Variants in PGBD5 observed in about 807,000 individuals in gnomAD.
PGBD5 encodes the protein piggyBac transposable element-derived protein 5.
A neutral mutation model predicts 47.9 loss-of-function variants in PGBD5; 14 were observed. That is an observed-to-expected ratio of 0.29 (90% CI 0.19 to 0.46). PGBD5 has a LOEUF of 0.46. Among genes scored for constraint, PGBD5 ranks in the 20% least tolerant of loss-of-function variants. The probability of loss-of-function intolerance (pLI) is 1.00; values close to 1 mark genes in which losing one functional copy is unlikely to be tolerated. For synonymous variants in PGBD5, 316 were observed against 306.3 expected (o/e 1.03, Z -0.33); for missense variants, 635 against 716.0 (o/e 0.89, Z 1.29).
chr1:230,346,752 G>A (rs369474152), intron 3 of PGBD5, among the ~76,000 whole-genome samples: 168 of 152,224 alleles, frequency 1.1e-3, no homozygotes, highest in African/African-American at 3.9e-3. Context: ...TACCCCTACA[G>A]GTGCCTTCCT....
chr1:230,329,996 A>C (rs1667187148), intron 5 of PGBD5, among the ~76,000 whole-genome samples: 1 of 152,250 alleles, frequency 6.6e-6, no homozygotes, highest in Non-Finnish European at 1.5e-5. Context: ...AATAATACTA[A>C]TCACAAATAA....
rs1178740168 is a variant in PGBD5 at position 230,318,237 on chromosome 1, C to T, written c.*5188G>A. 1 of 150,160 alleles carries T rather than the reference C, an allele frequency of 6.7e-6. No individual in the cohort carries two copies. Among genetic ancestry groups the T allele is most frequent in the Non-Finnish European group, 1.5e-5 (1 of 68,034 alleles). The allele number at this position is 150,160 out of a possible 1,614,324, so 9.3% of individuals were successfully genotyped here. A position where few individuals can be genotyped will look rare whatever the true frequency, so the allele number is the denominator to read the frequency against. ...CTAAGTGCCACTTTGGTACCTGATA[C>T]TCTTTATTTCTTATTGGGAGAGAAT... On this transcript the variant is annotated 3_prime_UTR_variant, in exon 7 of 7. Transcript: ENST00000391860.
At chr1:230,394,826 T>C (rs1382125153) in intron 1 of PGBD5, among the ~76,000 whole-genome samples, 67 of 54,654 alleles carry the variant, frequency 1.2e-3, no homozygotes, top group South Asian at 2.6e-3. Flanking sequence ...CGCTCCTCCC[T>C]ATCCCCGAGC....
chr1:230,335,692 CACAT>C (rs1338432498), intron 4 of PGBD5, among the ~76,000 whole-genome samples: 23 of 15,148 alleles, frequency 1.5e-3, no homozygotes, highest in Non-Finnish European at 3.3e-3. Context: ...GACACACAGA[CACAT>C]ACACATACAT....
chr1:230,397,652 C>G (rs1335808464), intron 1 of PGBD5, among the ~76,000 whole-genome samples: 1 of 152,228 alleles, frequency 6.6e-6, no homozygotes, highest in Non-Finnish European at 1.5e-5. Context: ...CCCAAATCTC[C>G]TCAAGGAATG....
chr1:230,330,802 C>A (rs75982378), intron 5 of PGBD5, among the ~76,000 whole-genome samples: 3 of 152,166 alleles, frequency 2.0e-5, no homozygotes, highest in African/African-American at 7.2e-5. Flanking sequence ...TTTTAAGGGA[C>A]GCTAGGATTC....
chr1:230,394,487 T>C (rs977905169), intron 1 of PGBD5, among the ~76,000 whole-genome samples: 2 of 92,074 alleles, frequency 2.2e-5, no homozygotes, highest in Non-Finnish European at 4.2e-5. Context: ...CCTCCAATCC[T>C]CCCGCTGTGC....
At chr1:230,407,888 T>C (rs1657331025) in intron 1 of PGBD5, among the ~76,000 whole-genome samples, 1 of 152,184 alleles carries the variant, frequency 6.6e-6, no homozygotes. Flanking sequence ...CTCTAAGCAG[T>C]GAACCAAGGA....
intron 1 of PGBD5, chr1:230,367,934 G>A: frequency 7.3e-7 from 1 of 1,362,848 alleles, no homozygotes; most frequent in Non-Finnish European, 9.8e-7. Flanking sequence ...CTTGCTCAAG[G>A]TCACGCAAGC....
chr1:230,324,243 G>T (rs1054520939), intron 6 of PGBD5, among the ~76,000 whole-genome samples: 1 of 152,146 alleles, frequency 6.6e-6, no homozygotes, highest in East Asian at 1.9e-4. Flanking sequence ...TGGGAGGATC[G>T]GTATCCTCAA....
rs566034755 is a variant in PGBD5, at chr1:230,319,843, C to G, written c.*3582G>C. 3 of 139,690 alleles carry G rather than the reference C, an allele frequency of 2.1e-5. No individual in the cohort carries two copies. The highest frequency in any genetic ancestry group is 7.3e-5 in the Admixed American group (1 of 13,702). 8.7% of individuals were successfully genotyped at this position (139,690 alleles called of 1,614,324 possible). On this transcript the variant is annotated 3_prime_UTR_variant, in exon 7 of 7. Coordinates refer to ENST00000391860, the MANE Select transcript of PGBD5 (RefSeq NM_001258311.2). Reference sequence around the variant, plus strand: ...ACCACGGGAAGACGTTGTTCAAACTCGAGGCTTTTTTTTTTTTTTTTTTTT... The same window carrying G: ...ACCACGGGAAGACGTTGTTCAAACTGGAGGCTTTTTTTTTTTTTTTTTTTT...
In PGBD5 at chr1:230,322,078, G is replaced by A. The variant is rs556995880; in HGVS notation, c.*1347C>T. 1 of 152,236 alleles carries A rather than the reference G, an allele frequency of 6.6e-6. No homozygotes were observed. The highest frequency in any genetic ancestry group is 2.4e-5 in the African/African-American group (1 of 41,442). 9.4% of individuals were successfully genotyped at this position (152,236 alleles called of 1,614,324 possible). A position where few individuals can be genotyped will look rare whatever the true frequency, so the allele number is the denominator to read the frequency against. ...ATCAACTGGGTTGAAGGGGGACTGGGTAATCCCAGAAATTCCTTGTTTCTG... is the reference window on the plus strand; with the variant it reads ...ATCAACTGGGTTGAAGGGGGACTGGATAATCCCAGAAATTCCTTGTTTCTG... On this transcript the variant is annotated 3_prime_UTR_variant, in exon 7 of 7. Coordinates refer to ENST00000391860, the MANE Select transcript of PGBD5 (RefSeq NM_001258311.2). This position sits in a 1 kb window ranked among gnomAD's most constrained non-coding sequence, Gnocchi z 5.9.
At position 230,425,697 on chromosome 1, in the gene PGBD5, G is replaced by A; in HGVS notation, c.232C>T (p.Arg78Cys). ...GPPGAAPPPP[R>C]APDAQEPEED... ...TCCGGCTCCTGTGCGTCCGGGGCGC[G>A]GGGCGGTGGCGGGGCGGCCCCTGGG... The change falls in exon 1 of 7, where the codon CGC becomes TGC. Residue 78 changes from arginine to cysteine, a missense_variant. Coordinates refer to ENST00000391860, the MANE Select transcript of PGBD5 (RefSeq NM_001258311.2). The surrounding 1 kb of genome is among the most constrained non-coding windows in gnomAD (Gnocchi z 4.7). 1 of 1,215,808 alleles carries A rather than the reference G, an allele frequency of 8.2e-7. No homozygotes were observed. The highest frequency in any genetic ancestry group is 1.6e-5 in the African/African-American group (1 of 63,664). 75.3% of individuals were successfully genotyped at this position (1,215,808 alleles called of 1,614,324 possible). A position where few individuals can be genotyped will look rare whatever the true frequency, so the allele number is the denominator to read the frequency against.
chr1:230,418,203 G>A (rs1009351886), intron 1 of PGBD5, among the ~76,000 whole-genome samples: 2 of 152,126 alleles, frequency 1.3e-5, no homozygotes, highest in African/African-American at 4.8e-5. Context: ...CATGGCCCAA[G>A]GAAGTGATGT....
chr1:230,391,939 A>T (rs1206067442), intron 1 of PGBD5, among the ~76,000 whole-genome samples: 1 of 151,938 alleles, frequency 6.6e-6, no homozygotes, highest in Non-Finnish European at 1.5e-5. Context: ...TTCTCCCCCA[A>T]AGGGAGCCCG....
intron 1 of PGBD5, among the ~76,000 whole-genome samples, chr1:230,422,840 G>A (rs1657686634): frequency 6.6e-6 from 1 of 151,954 alleles, no homozygotes; most frequent in Admixed American, 6.6e-5. Flanking sequence ...ACGGGAACTA[G>A]CACTGCTTCC....
At chr1:230,354,472 C>A (rs1211672030) in intron 2 of PGBD5, among the ~76,000 whole-genome samples, 1 of 152,198 alleles carries the variant, frequency 6.6e-6, no homozygotes, top group African/African-American at 2.4e-5. Context: ...GCAAGGGAGT[C>A]AGGGGAGGGA....
At chr1:230,368,162 G>C (rs781669483) in intron 1 of PGBD5, 4 of 1,366,058 alleles carry the variant, frequency 2.9e-6, no homozygotes, top group Non-Finnish European at 3.9e-6. Context: ...GGAGGAATAA[G>C]GTGGAGGAGA....
intron 1 of PGBD5, among the ~76,000 whole-genome samples, chr1:230,413,411 G>A (rs572390836): frequency 2.8e-4 from 42 of 152,146 alleles, no homozygotes; most frequent in African/African-American, 7.5e-4. Context: ...GGGGTGGGAG[G>A]ATTGCTTGGG....
Sources: allele counts gnomAD v4.1 joint callset (sites outside exome capture counted in the v4.1 genomes callset), GRCh38; gene constraint gnomAD v4.1.1; non-coding constraint Gnocchi (gnomAD v3.1); transcripts MANE v1.5; gene names NCBI Gene and HGNC (gene_info 2026-07-23, HGNC 2026-07-21).